Variants in ARHGAP4 observed in about 807,000 individuals in gnomAD.
The protein encoded by ARHGAP4 is rho GTPase-activating protein 4.
A neutral mutation model predicts 67.6 loss-of-function variants in ARHGAP4; 25 were observed. That is an observed-to-expected ratio of 0.37 (90% CI 0.27 to 0.52). The LOEUF is 0.52. Ranked by LOEUF, ARHGAP4 falls within the 20% of genes least tolerant of loss-of-function variation. ARHGAP4 has a pLI of 0.92. For synonymous variants in ARHGAP4, 448 were observed against 373.7 expected (o/e 1.20, Z -2.29); for missense variants, 804 against 854.6 (o/e 0.94, Z 0.74).
intron 7 of ARHGAP4, among the ~76,000 whole-genome samples, chrX:153,917,559 C>T (rs2065063577): frequency 8.9e-6 from 1 of 111,873 alleles, no homozygotes; most frequent in Non-Finnish European, 1.9e-5. Flanking sequence ...AGTTTGAGAC[C>T]AGCCTGGGCA....
intron 1 of ARHGAP4, among the ~76,000 whole-genome samples, chrX:153,923,259 G>C (rs1417813134): frequency 9.0e-6 from 1 of 111,286 alleles, no homozygotes; most frequent in Non-Finnish European, 1.9e-5. Flanking sequence ...CAGCAGCAGC[G>C]AGGGAGGACT....
In ARHGAP4 at chrX:153,910,560, C is replaced by T. The variant is rs781995523; in HGVS notation, c.1868G>A (p.Arg623Gln). 7 of 1,208,711 alleles carry T rather than the reference C, an allele frequency of 5.8e-6. No individual in the cohort carries two copies. The highest frequency in any genetic ancestry group is 3.5e-5 in the South Asian group (2 of 56,871). ...RVEHVSRLLW[R>Q]LPAPVLVVLR... ...AACCACCAGCACCGGCGCGGGCAGC[C>T]GCCACAGCAGGCGGCTCACGTGCTC... Residue 623 changes from arginine (R) to glutamine (Q), a missense_variant, in exon 16 of 22, where the codon CGG becomes CAG. This residue lies in a region of ARHGAP4 where 400 missense variants were observed against 348.7 expected (regional missense o/e 1.15). Transcript: ENST00000350060.
intron 12 of ARHGAP4, 36 bp downstream of exon 12, chrX:153,912,664 G>A (rs1557103527): frequency 1.1e-5 from 12 of 1,119,723 alleles, no homozygotes; most frequent in Non-Finnish European, 1.2e-5. Context: ...AGATCAGCAT[G>A]TACAGGTGGG....
intron 1 of ARHGAP4, among the ~76,000 whole-genome samples, chrX:153,923,061 C>G (rs1244032174): frequency 9.0e-6 from 1 of 110,758 alleles, no homozygotes. Flanking sequence ...GTCCGAGAGA[C>G]CGGTAGGGAC....
Position 153,910,412 on chromosome X carries a change from G to A in ARHGAP4, c.1923-8C>T, listed in dbSNP as rs782678857. On this transcript the variant is annotated splice_region_variant and splice_polypyrimidine_tract_variant and intron_variant, in intron 16 of 21. Coordinates refer to ENST00000350060, the MANE Select transcript of ARHGAP4 (RefSeq NM_001666.5). ...TCGCTGTACTGGGCCAGGCTGGGGG[G>A]ACACGCACATCACAAGCAGAGAGCC... is the stretch of plus-strand genomic sequence containing the variant. 6 of 1,190,757 alleles carry A rather than the reference G, an allele frequency of 5.0e-6. No individual in the cohort carries two copies. The highest frequency in any genetic ancestry group is 6.8e-6 in the Non-Finnish European group (6 of 883,182).
At chrX:153,908,391 G>C (rs1048246520) in intron 21 of ARHGAP4, among the ~76,000 whole-genome samples, 4 of 111,932 alleles carry the variant, frequency 3.6e-5, no homozygotes, top group African/African-American at 9.7e-5. Context: ...GGGCCTGGGG[G>C]CTTGGCCACA....
At chrX:153,911,378 C>T (rs1456916918) in intron 12 of ARHGAP4, among the ~76,000 whole-genome samples, 189 bp from the exon 13 acceptor site, 1 of 108,088 alleles carries the variant, frequency 9.3e-6, no homozygotes, top group Non-Finnish European at 1.9e-5. Context: ...CTGCCTCAAG[C>T]TCCCCAATGG....
rs782289283 is a variant in ARHGAP4 at position 153,911,300 on chromosome X, C to G, written c.1543-111G>C. On this transcript the variant is annotated intron_variant, in intron 12 of 21. Transcript: ENST00000350060. ...TGAGACAAGGTCTCACTCTGTCACCCAGGCTGAAGTGCACTGGCGTGATCT... is the reference window on the plus strand; with the variant it reads ...TGAGACAAGGTCTCACTCTGTCACCGAGGCTGAAGTGCACTGGCGTGATCT... 4.1e-4 allele frequency: 287 copies of G among 699,690 alleles called. 1 individual carries two copies. The highest frequency in any genetic ancestry group is 5.7e-4 in the Admixed American group (14 of 24,420). 57.7% of individuals were successfully genotyped at this position (699,690 alleles called of 1,213,427 possible). A position where few individuals can be genotyped will look rare whatever the true frequency, so the allele number is the denominator to read the frequency against.
chrX:153,908,526 CAGGTTGTGCGCTTGCCAGGGCCA>C (rs2064989900), intron 21 of ARHGAP4, among the ~76,000 whole-genome samples: 2 of 110,973 alleles, frequency 1.8e-5, no homozygotes, highest in African/African-American at 6.5e-5. Flanking sequence ...CAGGGTCCCC[CAGGTTGTGCGCTTGCCAGGGCCA>C]CATCTTGAGC....
rs376191660 is a variant in ARHGAP4, at chrX:153,913,210, G to T, written c.1411+8C>A. On this transcript the variant is annotated splice_region_variant and intron_variant, in intron 10 of 21. Transcript: ENST00000350060. ...GAGAGGCGGGGAAGGGGGCAGCACT[G>T]GGCCCACCTCGCTGAAGGGCCTCCT... 33 of 1,165,759 alleles carry T rather than the reference G, an allele frequency of 2.8e-5. No individual in the cohort carries two copies. In the African/African-American group the frequency reaches 5.4e-4, roughly 19 times the overall value.
chrX:153,922,048 A>G (rs2065099206), intron 1 of ARHGAP4: 43 of 984,971 alleles, frequency 4.4e-5, no homozygotes, highest in Non-Finnish European at 5.6e-5. Flanking sequence ...ACAGATGGCC[A>G]GAGCCACCCG....
At position 153,909,485 on chromosome X, in the gene ARHGAP4, C is replaced by T; in HGVS notation, c.2465G>A (p.Gly822Glu). 2 of 1,209,820 alleles carry T rather than the reference C, an allele frequency of 1.7e-6. No individual in the cohort carries two copies. Among genetic ancestry groups the T allele is most frequent in the South Asian group, 3.5e-5 (2 of 56,723 alleles). The change falls in exon 20 of 22, where the codon GGG (glycine) becomes GAG (glutamate). Residue 822 changes from glycine (G) to glutamate (E), a missense_variant. Transcript: ENST00000350060. Reference protein sequence around the residue: ...GAGLQTAGESGSSPEGLLASE... With the variant: ...GAGLQTAGESESSPEGLLASE... The stretch of plus-strand genomic sequence containing the variant: ...TGCCAGGAGGCCCTCGGGACTGCTC[C>T]CAGACTCCCCTGCAGTCTGCAGCCC...
chrX:153,925,680 G>T (rs1014948348), intron 1 of ARHGAP4, among the ~76,000 whole-genome samples: 1 of 112,220 alleles, frequency 8.9e-6, no homozygotes, highest in Admixed American at 9.4e-5. Flanking sequence ...GGAGGCAAAA[G>T]GTGCTGAAGC....
chrX:153,914,137 G>A (rs2065039944), intron 7 of ARHGAP4: 1 of 388,781 alleles, frequency 2.6e-6, no homozygotes. Context: ...CAGAATGGAA[G>A]AGGATTCAGC....
At chrX:153,919,418 C>T in intron 5 of ARHGAP4, 135 bp from the exon 6 acceptor site, 1 of 1,146,606 alleles carries the variant, frequency 8.7e-7, no homozygotes. Flanking sequence ...AGAAGTCCTG[C>T]TGCCTTCCCC....
At position 153,919,302 on chromosome X, in the gene ARHGAP4, G is replaced by C. The variant is rs782802838; in HGVS notation, c.682-19C>G. On this transcript the variant is annotated intron_variant, in intron 5 of 21. Coordinates refer to ENST00000350060, the MANE Select transcript of ARHGAP4 (RefSeq NM_001666.5). ...CCTGCCGCTACTCAAGACAATGCAA[G>C]CGTGCCAGGGTCACGCACGTGGCCA... 1 of 1,210,912 alleles carries C rather than the reference G, an allele frequency of 8.3e-7. No homozygotes were observed. Among genetic ancestry groups the C allele is most frequent in the African/African-American group, 1.7e-5 (1 of 57,510 alleles).
Position 153,910,682 on chromosome X carries a change from C to T in ARHGAP4, c.1816+18G>A, listed in dbSNP as rs782267614. ...CCAGCAAGTGCCCTACCCCGCCAGC[C>T]TCAGGCCCCAGCCTCACCCGAAGAA... is the stretch of plus-strand genomic sequence containing the variant. On this transcript the variant is annotated intron_variant, in intron 15 of 21. Transcript: ENST00000350060. 4 of 1,190,095 alleles carry T rather than the reference C, an allele frequency of 3.4e-6. No individual in the cohort carries two copies. The East Asian group carries it at 1.2e-4, about 36-fold the overall frequency.
chrX:153,910,964 C>A lies in ARHGAP4; in HGVS notation c.1639G>T (p.Ala547Ser). The change falls in exon 14 of 22, where the codon GCC (alanine) becomes TCC (serine). Residue 547 changes from alanine (A) to serine (S), a missense_variant. Transcript: ENST00000350060. ...CGGATCTCTGAGACCCGGAGCTGGG[C>A]ACCCGATACCCGGAAGATGCCTTCA... is the stretch of plus-strand genomic sequence containing the variant. ...QHEGIFRVSGAQLRVSEIRDA... is the reference protein window; with the variant it reads ...QHEGIFRVSGSQLRVSEIRDA... 1 of 992,698 alleles carries A rather than the reference C, an allele frequency of 1.0e-6. No homozygotes were observed. The highest frequency in any genetic ancestry group is 1.3e-6 in the Non-Finnish European group (1 of 767,840). 81.8% of individuals were successfully genotyped at this position (992,698 alleles called of 1,213,427 possible). A position where few individuals can be genotyped will look rare whatever the true frequency, so the allele number is the denominator to read the frequency against.
chrX:153,924,697 T>A (rs2065116572), intron 1 of ARHGAP4, among the ~76,000 whole-genome samples: 1 of 111,364 alleles, frequency 9.0e-6, no homozygotes, highest in African/African-American at 3.3e-5. Flanking sequence ...AGCAGTATAC[T>A]CCCAGGGCCT....
Sources: allele counts gnomAD v4.1 joint callset (sites outside exome capture counted in the v4.1 genomes callset), GRCh38; gene constraint gnomAD v4.1.1; regional missense constraint gnomAD v4.1.1; transcripts MANE v1.5; gene names NCBI Gene and HGNC (gene_info 2026-07-23, HGNC 2026-07-21).